Variants in ESRRG observed in about 807,000 individuals in gnomAD.
ESRRG encodes estrogen related receptor gamma, also known as estrogen-related receptor gamma.
ESRRG carries 13 observed loss-of-function variants against 44.0 expected under a neutral mutation model. That is an observed-to-expected ratio of 0.30 (90% confidence interval 0.19 to 0.47). The LOEUF is 0.47. Ranked by LOEUF, ESRRG falls within the 20% of genes least tolerant of loss-of-function variation. ESRRG has a pLI of 1.00. For synonymous variants in ESRRG, 215 were observed against 214.6 expected, an observed-to-expected ratio of 1.00 and a Z score of -0.02; for missense variants, 395 against 580.6, an observed-to-expected ratio of 0.68 and a Z score of 3.29.
chr1:216,763,027 A>G (rs1035837594), intron 2 of ESRRG, among the ~76,000 whole-genome samples: 1 of 152,078 alleles, frequency 6.6e-6, no homozygotes, highest in Admixed American at 6.6e-5. Flanking sequence ...TCTTTTGATC[A>G]GTTCTTACCA....
At chr1:216,790,654 A>G (rs577778128) in intron 2 of ESRRG, among the ~76,000 whole-genome samples, 1 of 152,274 alleles carries the variant, frequency 6.6e-6, no homozygotes, top group East Asian at 1.9e-4. Context: ...GAGTTTGGCT[A>G]TAGTAGTGGA....
intron 1 of ESRRG, among the ~76,000 whole-genome samples, chr1:216,705,365 C>T (rs1171028655): frequency 6.6e-6 from 1 of 151,944 alleles, no homozygotes. Flanking sequence ...AAAAAGGACA[C>T]AATCTGTGTA....
intron 1 of ESRRG, among the ~76,000 whole-genome samples, chr1:217,042,144 A>G (rs2083966532): frequency 6.6e-6 from 1 of 152,316 alleles, no homozygotes; most frequent in East Asian, 1.9e-4. Context: ...AGAATTATTT[A>G]TATTATGGAT....
intron 2 of ESRRG, among the ~76,000 whole-genome samples, chr1:216,667,685 C>CAAAA (rs67275285): frequency 7.4e-4 from 49 of 66,198 alleles, no homozygotes; most frequent in African/African-American, 1.0e-3. Context: ...GACTCCATCT[C>CAAAA]AAAAAAAAAA....
chr1:216,815,594 G>T (rs1484139494), intron 2 of ESRRG, among the ~76,000 whole-genome samples: 1 of 152,172 alleles, frequency 6.6e-6, no homozygotes, highest in African/African-American at 2.4e-5. Flanking sequence ...AGGCCTCCCT[G>T]GCTTGGCTGC....
Position 217,051,082 on chromosome 1 carries a change from CT to C in ESRRG, c.-106+38424del, listed in dbSNP as rs1364569016. ...TCGGGAAGAAAGGTTTTGTGAAAGA[CT>C]TTTTTCCTTCTTATTTCATATCCAG... is the stretch of plus-strand genomic sequence containing the variant. On this transcript the variant is annotated intron_variant, in intron 1 of 7. Transcript: ENST00000359162. Among the ~76,000 whole-genome samples the C allele has an allele frequency of 6.6e-5, 10 of 151,750 alleles. No homozygotes were observed. The East Asian group carries it at 1.9e-3, about 30-fold the overall frequency.
At chr1:216,824,182 C>T (rs891565854) in intron 2 of ESRRG, among the ~76,000 whole-genome samples, 1 of 152,108 alleles carries the variant, frequency 6.6e-6, no homozygotes, top group Non-Finnish European at 1.5e-5. Context: ...CACGGTGGCT[C>T]ATGCCTGTAA....
intron 1 of ESRRG, among the ~76,000 whole-genome samples, chr1:217,007,089 A>G (rs2077855843): frequency 6.6e-6 from 1 of 152,116 alleles, no homozygotes; most frequent in Non-Finnish European, 1.5e-5. Flanking sequence ...AAGGACTGTA[A>G]GGAGTTCAGA....
rs540415023 is a variant in ESRRG at position 216,896,694 on chromosome 1, G to T, written c.-14+42888C>A. ...ATTTTTCAGTTTCTGCACTTTCATG[G>T]TTGATTAGAGCTGTTTAATGCAAAT... On this transcript the variant is annotated intron_variant, in intron 2 of 7. Coordinates refer to the ESRRG transcript ENST00000359162. 2.5e-4 allele frequency among the ~76,000 whole-genome samples: 38 copies of T among 152,248 alleles called. 1 individual carries two copies. The South Asian group carries it at 3.7e-3, about 15-fold the overall frequency.
chr1:216,893,083 G>A (rs2058011282), intron 2 of ESRRG, among the ~76,000 whole-genome samples: 1 of 152,128 alleles, frequency 6.6e-6, no homozygotes, highest in Non-Finnish European at 1.5e-5. Flanking sequence ...CTTTTGATAT[G>A]TACCAAACTC....
At position 216,939,343 on chromosome 1, in the gene ESRRG, C is replaced by CAAAA. The variant is rs201260010; in HGVS notation, c.-14+235_-14+238dup. Among the ~76,000 whole-genome samples the CAAAA allele has an allele frequency of 4.8e-4, 24 of 50,082 alleles. No individual in the cohort carries two copies. The East Asian group carries it at 5.1e-3, about 11-fold the overall frequency. The allele number at this position is 50,082 out of a possible 152,430, so 32.9% of individuals were successfully genotyped here. Reference sequence around the variant, plus strand: ...TCTTCCAGAATATCCTACACATAGACAAAAAAAAAAAAAAAAAAAAAAAAA... The same window carrying CAAAA: ...TCTTCCAGAATATCCTACACATAGACAAAAAAAAAAAAAAAAAAAAAAAAAAAAA... On this transcript the variant is annotated intron_variant, in intron 2 of 7. Transcript: ENST00000359162.
At chr1:216,645,197 A>G (rs2067273880) in intron 3 of ESRRG, among the ~76,000 whole-genome samples, 1 of 152,162 alleles carries the variant, frequency 6.6e-6, no homozygotes, top group South Asian at 2.1e-4. Flanking sequence ...AAAAAATAAC[A>G]TATTTCTTGC....
Position 216,909,317 on chromosome 1 carries a change from C to G in ESRRG, c.-14+30265G>C, listed in dbSNP as rs146638637. On this transcript the variant is annotated intron_variant, in intron 2 of 7. Coordinates refer to the ESRRG transcript ENST00000359162. ...TTTCACCAAGACCTCTACAGCCCTC[C>G]CCTGTCTATGAAAGTAAGAGCACAG... is the stretch of plus-strand genomic sequence containing the variant. Among the ~76,000 whole-genome samples the G allele has an allele frequency of 1.2e-3, 186 of 152,190 alleles. 1 individual carries two copies. The highest frequency in any genetic ancestry group is 4.4e-3 in the African/African-American group (181 of 41,532).
chr1:216,931,491 C>G (rs2063333113), intron 2 of ESRRG, among the ~76,000 whole-genome samples: 1 of 152,164 alleles, frequency 6.6e-6, no homozygotes, highest in Non-Finnish European at 1.5e-5. Flanking sequence ...CTGACTTGCT[C>G]TTTCCTTCCC....
chr1:217,043,320 G>A (rs1318889768), intron 1 of ESRRG, among the ~76,000 whole-genome samples: 1 of 152,024 alleles, frequency 6.6e-6, no homozygotes, highest in African/African-American at 2.4e-5. Context: ...AAGGAAGCTG[G>A]GTTCAGTTAC....
rs540569063 is a variant in ESRRG at position 217,099,775 on chromosome 1, T to C, written c.-230+37892A>G. Among the ~76,000 whole-genome samples, 6 of 152,282 alleles carry C rather than the reference T, an allele frequency of 3.9e-5. No homozygotes were observed. In the South Asian group the frequency reaches 1.2e-3, roughly 32 times the overall value. ...CAAGGGCTCCACTACACAATAACAA[T>C]GCTTTGCATCCAGGTGGAGCTTTTC... On this transcript the variant is annotated intron_variant, in intron 1 of 8. Coordinates refer to the ESRRG transcript ENST00000366940.
intron 2 of ESRRG, among the ~76,000 whole-genome samples, chr1:216,800,036 CT>C (rs1413354625): frequency 6.6e-6 from 1 of 151,992 alleles, no homozygotes; most frequent in Non-Finnish European, 1.5e-5. Context: ...TAAAATTATG[CT>C]AAAACAAAGA....
At chr1:216,964,864 G>T (rs1040603157) in intron 1 of ESRRG, among the ~76,000 whole-genome samples, 1 of 152,084 alleles carries the variant, frequency 6.6e-6, no homozygotes, top group Non-Finnish European at 1.5e-5. Context: ...CCATAGAAAA[G>T]AGGCCATGAA....
intron 1 of ESRRG, among the ~76,000 whole-genome samples, chr1:217,065,688 G>A (rs2089524923): frequency 6.6e-6 from 1 of 152,166 alleles, no homozygotes; most frequent in East Asian, 1.9e-4. Flanking sequence ...GTCCCATATG[G>A]TTTTTGGAGA....
Sources: allele counts gnomAD v4.1 joint callset (sites outside exome capture counted in the v4.1 genomes callset), GRCh38; gene constraint gnomAD v4.1.1; transcripts MANE v1.5; gene names NCBI Gene and HGNC (gene_info 2026-07-23, HGNC 2026-07-21).